Variants in ULK2 observed in about 807,000 individuals in gnomAD.
ULK2 encodes the protein unc-51 like autophagy activating kinase 2.
Under a neutral mutation model 127.5 loss-of-function variants are expected in ULK2, and 76 were observed. The observed-to-expected ratio is 0.60, with a 90% CI of 0.50 to 0.72. ULK2 has a LOEUF of 0.72. Ranked by LOEUF, ULK2 falls within the 30% of genes least tolerant of loss-of-function variation. The pLI, the probability that ULK2 is intolerant of heterozygous loss-of-function variation, is 0.00. For missense variants in ULK2, 1,144 were observed against 1,295.9 expected, an observed-to-expected ratio of 0.88 and a Z score of 1.80; for synonymous variants, 452 against 461.9, an observed-to-expected ratio of 0.98 and a Z score of 0.28.
At chr17:19,860,695 T>C (rs1221343518) in intron 3 of ULK2, among the ~76,000 whole-genome samples, 1 of 152,052 alleles carries the variant, frequency 6.6e-6, no homozygotes, top group South Asian at 2.1e-4. Context: ...CAGCTAATTT[T>C]GTATTTTTAG....
rs2087296245 is a variant in ULK2 at position 19,797,448 on chromosome 17, G to C, written c.1757C>G (p.Ser586Cys). The change falls in exon 18 of 27, where the codon TCT (serine) becomes TGT (cysteine). Residue 586 changes from serine to cysteine, a missense_variant. By Grantham distance (112) the Ser-to-Cys change is moderately radical. This residue lies in a region of ULK2 where 913 missense variants were observed against 970.5 expected (regional missense o/e 0.94). Coordinates refer to ENST00000395544, the MANE Select transcript of ULK2 (RefSeq NM_014683.4). ...TKHLGSSPRSSDWFFKTPLPT... is the reference protein window; with the variant it reads ...TKHLGSSPRSCDWFFKTPLPT... ...CAAAGGAGTTTTAAAGAACCAGTCA[G>C]AACTCCGTGGAGAGGACCCCAAGTG... 1.9e-6 allele frequency: 3 copies of C among 1,613,990 alleles called. No individual in the cohort carries two copies. The highest frequency in any genetic ancestry group is 2.5e-6 in the Non-Finnish European group (3 of 1,179,948).
intron 3 of ULK2, among the ~76,000 whole-genome samples, chr17:19,858,836 G>C (rs1051186467): frequency 2.6e-5 from 4 of 152,154 alleles, no homozygotes; most frequent in Admixed American, 6.6e-5. Flanking sequence ...CAGTTGTGGT[G>C]GTGGGCGCCT....
chr17:19,842,139 GA>G (rs940686857), intron 8 of ULK2, among the ~76,000 whole-genome samples: 2 of 149,576 alleles, frequency 1.3e-5, no homozygotes, highest in Non-Finnish European at 3.0e-5. Flanking sequence ...ATGCAAACTA[GA>G]CTAAGAAATT....
intron 10 of ULK2, among the ~76,000 whole-genome samples, chr17:19,835,919 C>G (rs2041584723): frequency 2.0e-5 from 3 of 151,482 alleles, no homozygotes; most frequent in Admixed American, 6.6e-5. Context: ...GCCAGGAATT[C>G]GAGAACAGCC....
chr17:19,838,377 G>A, intron 10 of ULK2, 124 bp downstream of exon 10: 1 of 814,706 alleles, frequency 1.2e-6, no homozygotes, highest in East Asian at 2.8e-5. Flanking sequence ...CGAAACCAGT[G>A]AAGGAAATAA....
intron 17 of ULK2, 112 bp downstream of exon 17, chr17:19,799,383 G>T: frequency 1.1e-6 from 1 of 890,224 alleles, no homozygotes; most frequent in Non-Finnish European, 1.6e-6. Flanking sequence ...AATCAGGATG[G>T]CAGAGGAGAT....
intron 20 of ULK2, among the ~76,000 whole-genome samples, chr17:19,787,237 T>C (rs1335421573): frequency 6.6e-6 from 1 of 152,218 alleles, no homozygotes; most frequent in Non-Finnish European, 1.5e-5. Flanking sequence ...TCCGCCCGCC[T>C]TGGCCTCTCA....
chr17:19,799,570 T>G lies in ULK2; in HGVS notation c.1447A>C (p.Thr483Pro). Reference sequence around the variant, plus strand: ...CACTGACTGAATTGCTCAGGAATGGTACCAACTACAAAAAAAAAAAAAAAA... The same window carrying G: ...CACTGACTGAATTGCTCAGGAATGGGACCAACTACAAAAAAAAAAAAAAAA... The part of the protein sequence containing the change: ...RPYSPSPLVG[T>P]IPEQFSQCCC... The change falls in exon 17 of 27, where the codon ACC (threonine) becomes CCC (proline). Residue 483 changes from threonine to proline, a missense_variant. Transcript: ENST00000395544. The G allele has an allele frequency of 7.3e-7, 1 of 1,377,482 alleles. No individual in the cohort carries two copies. The highest frequency in any genetic ancestry group is 9.4e-7 in the Non-Finnish European group (1 of 1,058,994). 85.3% of individuals were successfully genotyped at this position (1,377,482 alleles called of 1,614,324 possible). A position where few individuals can be genotyped will look rare whatever the true frequency, so the allele number is the denominator to read the frequency against.
rs950612628 is a variant in ULK2 at position 19,797,740 on chromosome 17, T to TA, written c.1523-59dup. 6 of 1,361,818 alleles carry TA rather than the reference T, an allele frequency of 4.4e-6. No homozygotes were observed. In the African/African-American group the frequency reaches 9.0e-5, roughly 20 times the overall value. 84.4% of individuals were successfully genotyped at this position (1,361,818 alleles called of 1,614,324 possible). A position where few individuals can be genotyped will look rare whatever the true frequency, so the allele number is the denominator to read the frequency against. On this transcript the variant is annotated intron_variant, in intron 17 of 26. Transcript: ENST00000395544. ...AGTGAAGAAGTGCAGTGCAAAAATG[T>TA]AAAAATTAAGAAGACAATTTTTAAA...
chr17:19,806,510 A>G (rs978438348), intron 14 of ULK2, among the ~76,000 whole-genome samples: 2 of 152,198 alleles, frequency 1.3e-5, no homozygotes, highest in South Asian at 4.1e-4. Context: ...GCATGAGGAC[A>G]TGAACAGCCA....
At position 19,826,139 on chromosome 17, in the gene ULK2, A is replaced by AT; in HGVS notation, c.834dup (p.Ser279IlefsTer64). On this transcript the variant is annotated frameshift_variant and splice_region_variant, in exon 11 of 27. Transcript: ENST00000395544. LOFTEE classifies it high-confidence loss of function. ...GAAAATACAAAAAATGGATACTCAC[A>AT]TTTTTTTACTGGACCTTGCTCAAGA... 6.9e-6 allele frequency: 10 copies of AT among 1,450,062 alleles called. No individual in the cohort carries two copies. Among genetic ancestry groups the AT allele is most frequent in the Admixed American group, 4.3e-5 (2 of 46,546 alleles). 89.8% of individuals were successfully genotyped at this position (1,450,062 alleles called of 1,614,324 possible).
At chr17:19,819,442 A>C (rs1395376185) in intron 12 of ULK2, among the ~76,000 whole-genome samples, 2 of 152,140 alleles carry the variant, frequency 1.3e-5, no homozygotes, top group African/African-American at 2.4e-5. Flanking sequence ...AAGAGTAGAG[A>C]GTTCCCCATG....
At chr17:19,826,074 A>G (rs1407139203) in intron 11 of ULK2, 65 bp downstream of exon 11, 12 of 883,578 alleles carry the variant, frequency 1.4e-5, no homozygotes, top group African/African-American at 6.9e-5. Flanking sequence ...TGTAGTAAAA[A>G]TCATTAATTT....
chr17:19,851,886 A>T (rs2042023940), intron 3 of ULK2, among the ~76,000 whole-genome samples: 1 of 151,580 alleles, frequency 6.6e-6, no homozygotes, highest in South Asian at 2.1e-4. Flanking sequence ...CCTCCACTAG[A>T]AATACAAAAA....
chr17:19,851,195 C>T (rs377732719), intron 3 of ULK2, among the ~76,000 whole-genome samples: 355 of 148,272 alleles, frequency 2.4e-3, no homozygotes, highest in African/African-American at 8.4e-3. Context: ...GGCATGGTGG[C>T]GGGCACCTGT....
chr17:19,803,095 G>A (rs1257245510), intron 15 of ULK2, among the ~76,000 whole-genome samples: 33 of 152,062 alleles, frequency 2.2e-4, no homozygotes, highest in Admixed American at 2.2e-3. Flanking sequence ...TCTTCAAAGT[G>A]GAAAGACTTA....
At chr17:19,864,406 T>C (rs1242437610) in intron 3 of ULK2, among the ~76,000 whole-genome samples, 2 of 150,748 alleles carry the variant, frequency 1.3e-5, no homozygotes, top group African/African-American at 2.4e-5. Flanking sequence ...ACCCGGGAGG[T>C]AGCAGTTGCA....
chr17:19,804,941 C>T, intron 14 of ULK2, 111 bp from the exon 15 acceptor site: 1 of 1,163,230 alleles, frequency 8.6e-7, no homozygotes, highest in South Asian at 2.4e-5. Flanking sequence ...CAAATGGTCA[C>T]TCCACTACCT....
intron 1 of ULK2, 90 bp downstream of exon 1, chr17:19,867,238 G>C: frequency 9.7e-7 from 1 of 1,032,692 alleles, no homozygotes. Context: ...GCCGAGTCGG[G>C]GGTCTCGGCT....
Sources: gnomAD v4.1 joint callset for allele counts (sites outside exome capture counted in the v4.1 genomes callset) on GRCh38, gnomAD v4.1.1 for gene constraint, gnomAD v4.1.1 regional missense constraint, MANE v1.5 for transcripts, NCBI Gene and HGNC (gene_info 2026-07-23, HGNC 2026-07-21) for gene names.